MGAT4C: variants seen among roughly 807,000 people sequenced by gnomAD.
The protein encoded by MGAT4C is MGAT4 family member C.
A neutral mutation model predicts 40.1 loss-of-function variants in MGAT4C; 19 were observed. The observed-to-expected ratio is 0.47, with a 90% confidence interval of 0.33 to 0.70. The LOEUF (loss-of-function observed/expected upper bound fraction) is 0.70, where lower values mean the gene tolerates loss of function less well. Among genes scored for constraint, MGAT4C ranks in the 30% least tolerant of loss-of-function variants. The pLI, the probability that MGAT4C is intolerant of heterozygous loss-of-function variation, is 0.02. For synonymous variants in MGAT4C, 181 were observed against 187.1 expected (o/e 0.97, Z 0.27); for missense variants, 491 against 563.2 (o/e 0.87, Z 1.30).
At chr12:86,765,359 G>A (rs1951486355) in intron 1 of MGAT4C, among the ~76,000 whole-genome samples, 2 of 152,140 alleles carry the variant, frequency 1.3e-5, no homozygotes, top group African/African-American at 4.8e-5. Context: ...AGAAATATGG[G>A]ACTATGTGAA....
At chr12:86,218,227 T>C (rs1566165075) in intron 1 of MGAT4C, among the ~76,000 whole-genome samples, 1 of 152,172 alleles carries the variant, frequency 6.6e-6, no homozygotes. Flanking sequence ...GCTAAGGTTT[T>C]TCCACTACCA....
At chr12:86,574,852 G>T (rs1390566165) in intron 2 of MGAT4C, among the ~76,000 whole-genome samples, 4 of 151,730 alleles carry the variant, frequency 2.6e-5, no homozygotes, top group African/African-American at 9.7e-5. Flanking sequence ...CAATATGCAT[G>T]ATATTAACCC....
intron 2 of MGAT4C, among the ~76,000 whole-genome samples, chr12:86,703,173 A>T (rs967372814): frequency 6.6e-6 from 1 of 152,170 alleles, no homozygotes; most frequent in African/African-American, 2.4e-5. Context: ...TTACGGATGA[A>T]CAAAGAAAGT....
intron 1 of MGAT4C, among the ~76,000 whole-genome samples, chr12:86,110,287 A>C (rs868730472): frequency 2.4e-5 from 1 of 41,754 alleles, no homozygotes; most frequent in African/African-American, 1.1e-4. Context: ...TAGTCTATAT[A>C]TATATAGTCT....
chr12:86,696,911 C>A (rs1449883472), intron 2 of MGAT4C, among the ~76,000 whole-genome samples: 2 of 152,020 alleles, frequency 1.3e-5, no homozygotes, highest in Non-Finnish European at 2.9e-5. Flanking sequence ...AATCACCAGA[C>A]AAATAAACAT....
At chr12:86,067,477 T>C (rs1259465898) in intron 1 of MGAT4C, among the ~76,000 whole-genome samples, 1 of 151,544 alleles carries the variant, frequency 6.6e-6, no homozygotes, top group Admixed American at 6.6e-5. Context: ...AAACACCACA[T>C]GTTCTCACTC....
intron 2 of MGAT4C, among the ~76,000 whole-genome samples, chr12:86,512,837 A>G (rs1398737257): frequency 6.6e-6 from 1 of 152,070 alleles, no homozygotes; most frequent in African/African-American, 2.4e-5. Context: ...ACAAGATAAT[A>G]AGTTCAAAGA....
intron 2 of MGAT4C, among the ~76,000 whole-genome samples, chr12:86,522,134 A>C (rs542799096): frequency 6.6e-6 from 1 of 152,210 alleles, no homozygotes; most frequent in African/African-American, 2.4e-5. Flanking sequence ...GACTTCTAAT[A>C]CTATGTTGAA....
At chr12:86,758,390 TAAAA>T (rs5799793) in intron 1 of MGAT4C, among the ~76,000 whole-genome samples, 47 of 129,304 alleles carry the variant, frequency 3.6e-4, no homozygotes, top group East Asian at 2.4e-3. Flanking sequence ...TTTTTTTTTT[TAAAA>T]AAAAGAAACT....
At position 86,763,308 on chromosome 12, in the gene MGAT4C, C is replaced by T. The variant is rs113935275; in HGVS notation, c.-261-36067G>A. Among the ~76,000 whole-genome samples the T allele has an allele frequency of 9.5e-3, 1,443 of 152,258 alleles. 11 individuals carry two copies. Among genetic ancestry groups the T allele is most frequent in the Middle Eastern group, 0.017 (5 of 294 alleles). On this transcript the variant is annotated intron_variant, in intron 1 of 7. Coordinates refer to the MGAT4C transcript ENST00000548651. ...TGCCTTTACAAGGGTATATTGAAAA[C>T]TAGGTAGGGTAAAACTTCCCCCACT...
intron 1 of MGAT4C, among the ~76,000 whole-genome samples, chr12:86,146,059 T>G (rs839185): frequency 0.8 from 121,788 of 152,132 alleles, 49,323 homozygotes; most frequent in East Asian, 1. Flanking sequence ...ATCAGAAACA[T>G]AATAATATTA....
At chr12:86,319,087 G>A (rs1228695930) in intron 4 of MGAT4C, among the ~76,000 whole-genome samples, 2 of 152,038 alleles carry the variant, frequency 1.3e-5, no homozygotes, top group African/African-American at 4.8e-5. Context: ...TTTCCTGTGA[G>A]AACACATTTT....
At chr12:85,987,072 T>G (rs1885289679) in intron 3 of MGAT4C, among the ~76,000 whole-genome samples, 1 of 151,474 alleles carries the variant, frequency 6.6e-6, no homozygotes, top group Non-Finnish European at 1.5e-5. Context: ...AGCAATTGCT[T>G]TAACTCATTT....
At position 85,980,100 on chromosome 12, in the gene MGAT4C, A is replaced by T. The variant is rs2136682896; in HGVS notation, c.626T>A (p.Leu209Gln). Residue 209 changes from leucine to glutamine, a missense_variant, in exon 5 of 5, where the codon CTG becomes CAG. Leu to Gln is a moderately radical substitution (Grantham distance 113). Coordinates refer to ENST00000611864, the MANE Select transcript of MGAT4C (RefSeq NM_001351288.2). Reference protein sequence around the residue: ...RSKQNVDYAFLLNFCANTSDY... With the variant: ...RSKQNVDYAFQLNFCANTSDY... ...TGAAGTATTGGCACAAAAATTAAGC[A>T]GAAAAGCATAATCTACATTTTGCTT... 6.2e-7 allele frequency: 1 copy of T among 1,613,834 alleles called. No individual in the cohort carries two copies. Among genetic ancestry groups the T allele is most frequent in the Non-Finnish European group, 8.5e-7 (1 of 1,179,798 alleles).
At chr12:86,361,583 C>A (rs1008421968) in intron 3 of MGAT4C, among the ~76,000 whole-genome samples, 1 of 152,146 alleles carries the variant, frequency 6.6e-6, no homozygotes, top group African/African-American at 2.4e-5. Context: ...TTACAATCTA[C>A]CCATCTGACA....
intron 2 of MGAT4C, among the ~76,000 whole-genome samples, chr12:86,602,948 T>A (rs1164389174): frequency 6.6e-6 from 1 of 151,648 alleles, no homozygotes; most frequent in Non-Finnish European, 1.5e-5. Context: ...AGAAGGAAAT[T>A]GTGTCATTTG....
At chr12:86,186,283 T>C (rs1888746073) in intron 1 of MGAT4C, among the ~76,000 whole-genome samples, 1 of 152,092 alleles carries the variant, frequency 6.6e-6, no homozygotes, top group South Asian at 2.1e-4. Flanking sequence ...GAACCCAAGT[T>C]CAAGCTAGCA....
intron 4 of MGAT4C, among the ~76,000 whole-genome samples, chr12:86,303,603 AAATC>A (rs1438935564): frequency 6.7e-6 from 1 of 150,306 alleles, no homozygotes; most frequent in Admixed American, 6.6e-5. Context: ...GTTTAAAAAA[AAATC>A]AAATTCTTTT....
intron 2 of MGAT4C, among the ~76,000 whole-genome samples, chr12:86,473,251 C>T (rs139194167): frequency 1.0e-3 from 157 of 152,216 alleles, no homozygotes; most frequent in Admixed American, 3.6e-3. Context: ...GCCACTGCAC[C>T]GGGCCTGATT....
Sources: gnomAD v4.1 joint callset for allele counts (sites outside exome capture counted in the v4.1 genomes callset) on GRCh38, gnomAD v4.1.1 for gene constraint, MANE v1.5 for transcripts, NCBI Gene and HGNC (gene_info 2026-07-23, HGNC 2026-07-21) for gene names.